METTL8: variants seen among roughly 807,000 people sequenced by gnomAD.
The protein encoded by METTL8 is methyltransferase 8, tRNA N3-cytidine.
Under a neutral mutation model 48.7 loss-of-function variants are expected in METTL8, and 32 were observed. The observed-to-expected ratio is 0.66, with a 90% confidence interval of 0.50 to 0.88. The LOEUF (loss-of-function observed/expected upper bound fraction) is 0.88. Among genes scored for constraint, METTL8 ranks in the 40% least tolerant of loss-of-function variants. The probability of loss-of-function intolerance (pLI) is 0.00; values close to 1 mark genes in which losing one functional copy is unlikely to be tolerated. For synonymous variants in METTL8, 136 were observed against 157.1 expected, an observed-to-expected ratio of 0.87 and a Z score of 1.01; for missense variants, 464 against 474.4, an observed-to-expected ratio of 0.98 and a Z score of 0.20.
intron 3 of METTL8, among the ~76,000 whole-genome samples, chr2:171,350,012 T>G (rs528355607): frequency 1.6e-4 from 24 of 152,164 alleles, no homozygotes; most frequent in Non-Finnish European, 3.4e-4. Context: ...GTGCACAACA[T>G]GCAAGTTTGT....
intron 2 of METTL8, among the ~76,000 whole-genome samples, chr2:171,386,591 T>C (rs1425148517): frequency 6.6e-6 from 1 of 151,950 alleles, no homozygotes; most frequent in Non-Finnish European, 1.5e-5. Context: ...CAGCGAAACC[T>C]TGTCTCTACA....
chr2:171,343,132 T>C (rs1326217027), intron 3 of METTL8, among the ~76,000 whole-genome samples: 2 of 152,160 alleles, frequency 1.3e-5, no homozygotes, highest in African/African-American at 2.4e-5. Flanking sequence ...TAACCTTATG[T>C]AGCAATTTAA....
intron 1 of METTL8, among the ~76,000 whole-genome samples, chr2:171,412,048 G>C (rs1690808827): frequency 6.6e-6 from 1 of 152,144 alleles, no homozygotes; most frequent in African/African-American, 2.4e-5. Context: ...TGTCTCTTTA[G>C]GATTCTTTTG....
At chr2:171,379,064 G>C (rs573050107) in intron 2 of METTL8, among the ~76,000 whole-genome samples, 44 of 152,216 alleles carry the variant, frequency 2.9e-4, no homozygotes, top group African/African-American at 1.1e-3. Flanking sequence ...TAGTCTCTCA[G>C]ACCACATTAC....
chr2:171,381,672 T>C (rs1687550352), intron 2 of METTL8, among the ~76,000 whole-genome samples: 1 of 151,938 alleles, frequency 6.6e-6, no homozygotes, highest in Non-Finnish European at 1.5e-5. Context: ...TGATCTTTAG[T>C]GAAATGCAAA....
Position 171,387,198 on chromosome 2 carries a change from AG to A in METTL8, c.143+4844del, listed in dbSNP as rs1171629389. 9.2e-5 allele frequency among the ~76,000 whole-genome samples: 14 copies of A among 152,266 alleles called. No individual in the cohort carries two copies. The East Asian group carries it at 2.5e-3, about 27-fold the overall frequency. On this transcript the variant is annotated intron_variant, in intron 2 of 9. Transcript: ENST00000375258. The stretch of plus-strand genomic sequence containing the variant: ...TGCCTATGCATGGCTAAACTAAAAG[AG>A]CACCCTGTAACACGCGCTCACTGGG...
intron 2 of METTL8, chr2:171,375,154 C>T (rs1042369900): frequency 9.6e-6 from 14 of 1,463,894 alleles, no homozygotes; most frequent in South Asian, 4.5e-5. Context: ...CACTACGTTT[C>T]GAATGACGAA....
intron 1 of METTL8, among the ~76,000 whole-genome samples, chr2:171,430,421 G>A (rs1326023093): frequency 6.6e-6 from 1 of 152,032 alleles, no homozygotes; most frequent in African/African-American, 2.4e-5. Context: ...AGCATTAGGA[G>A]AAATACTTAA....
At chr2:171,324,549 T>C (rs931165325) in intron 9 of METTL8, among the ~76,000 whole-genome samples, 187 bp from the exon 10 acceptor site, 3 of 152,162 alleles carry the variant, frequency 2.0e-5, no homozygotes, top group Admixed American at 6.5e-5. Flanking sequence ...AAATACACCA[T>C]GCATATAAAA....
In METTL8 at chr2:171,375,324, TGCC is replaced by T. The variant is rs1401781328; in HGVS notation, c.144-14814_144-14812del. ...ATATATGTTTATCTTTTAAAGAAACTGCCAAGTTCCTCGTTAGCATAGTGGTGA... is the reference window on the plus strand; with the variant it reads ...ATATATGTTTATCTTTTAAAGAAACTAAGTTCCTCGTTAGCATAGTGGTGA... On this transcript the variant is annotated intron_variant, in intron 2 of 9. Transcript: ENST00000375258. The T allele has an allele frequency of 1.2e-5, 9 of 727,594 alleles. No homozygotes were observed. The Admixed American group carries it at 1.8e-4, about 15-fold the overall frequency. 45.1% of individuals were successfully genotyped at this position (727,594 alleles called of 1,614,324 possible).
intron 2 of METTL8, among the ~76,000 whole-genome samples, chr2:171,387,672 T>A (rs1688208649): frequency 6.6e-6 from 1 of 152,168 alleles, no homozygotes; most frequent in Admixed American, 6.5e-5. Context: ...TTGTTTACCT[T>A]ATTTTTTGTA....
chr2:171,413,959 G>A lies in METTL8; in HGVS notation c.-13+19924C>T, dbSNP rs986505214. Among the ~76,000 whole-genome samples, 7 of 151,982 alleles carry A rather than the reference G, an allele frequency of 4.6e-5. 1 individual carries two copies. The highest frequency in any genetic ancestry group is 4.2e-4 in the South Asian group (2 of 4,802). On this transcript the variant is annotated intron_variant, in intron 1 of 9. Coordinates refer to ENST00000375258, the MANE Select transcript of METTL8 (RefSeq NM_001321154.2). ...AAGAAAAAATTAGAAAGAAAATTTC[G>A]TTTCTAAAAATATATCCTATGGATA...
intron 2 of METTL8, among the ~76,000 whole-genome samples, chr2:171,386,862 A>G (rs1265006060): frequency 2.6e-5 from 4 of 152,022 alleles, no homozygotes; most frequent in Non-Finnish European, 4.4e-5. Flanking sequence ...AGGCAGACAC[A>G]CAGGTGGCTG....
chr2:171,334,761 A>G (rs1278210887), intron 5 of METTL8, among the ~76,000 whole-genome samples: 2 of 152,248 alleles, frequency 1.3e-5, no homozygotes. Flanking sequence ...GTGAGGAACC[A>G]AGAGCTTGCA....
intron 1 of METTL8, among the ~76,000 whole-genome samples, chr2:171,422,271 G>A (rs1039436402): frequency 6.6e-6 from 1 of 152,172 alleles, no homozygotes; most frequent in Non-Finnish European, 1.5e-5. Flanking sequence ...TCTGGAACAA[G>A]TGATTATTCA....
In METTL8 at chr2:171,318,528, G is replaced by C. The variant is rs958637216; in HGVS notation, c.*5644C>G. On this transcript the variant is annotated 3_prime_UTR_variant, in exon 10 of 10. Coordinates refer to ENST00000375258, the MANE Select transcript of METTL8 (RefSeq NM_001321154.2). Reference sequence around the variant, plus strand: ...AGTGCTCTGCGAGGAGGGATGCCAAGTGGAAGGCTGAAGCCTGAGGGGGTG... The same window carrying C: ...AGTGCTCTGCGAGGAGGGATGCCAACTGGAAGGCTGAAGCCTGAGGGGGTG... 2 of 152,304 alleles carry C rather than the reference G, an allele frequency of 1.3e-5. No individual in the cohort carries two copies. The highest frequency in any genetic ancestry group is 2.4e-5 in the African/African-American group (1 of 41,456). 9.4% of individuals were successfully genotyped at this position (152,304 alleles called of 1,614,324 possible). A position where few individuals can be genotyped will look rare whatever the true frequency, so the allele number is the denominator to read the frequency against.
At chr2:171,386,308 C>T (rs544774420) in intron 2 of METTL8, among the ~76,000 whole-genome samples, 57 of 152,282 alleles carry the variant, frequency 3.7e-4, no homozygotes, top group African/African-American at 1.3e-3. Flanking sequence ...CATTTTATCT[C>T]ATAGCCTGTG....
chr2:171,354,671 T>C (rs1240844235), intron 3 of METTL8, among the ~76,000 whole-genome samples: 2 of 152,228 alleles, frequency 1.3e-5, no homozygotes. Context: ...TTTACTCTTT[T>C]TTCTCTAAAC....
intron 1 of METTL8, among the ~76,000 whole-genome samples, chr2:171,415,607 C>T (rs942446968): frequency 2.6e-5 from 4 of 152,072 alleles, no homozygotes; most frequent in Admixed American, 2.6e-4. Context: ...GCCTTGGCCT[C>T]CCAAAGTGCT....
Sources: gnomAD v4.1 joint callset for allele counts (sites outside exome capture counted in the v4.1 genomes callset) on GRCh38, gnomAD v4.1.1 for gene constraint, MANE v1.5 for transcripts, NCBI Gene and HGNC (gene_info 2026-07-23, HGNC 2026-07-21) for gene names.